Variants in TSPAN18 observed in about 807,000 individuals in gnomAD.
TSPAN18 encodes tetraspanin 18.
Under a neutral mutation model 27.3 loss-of-function variants are expected in TSPAN18, and 14 were observed. That is an observed-to-expected ratio of 0.51 (90% CI 0.34 to 0.80). The LOEUF (loss-of-function observed/expected upper bound fraction) is 0.80. TSPAN18 is among the 30% of genes least tolerant of loss of function. The pLI, the probability that TSPAN18 is intolerant of heterozygous loss-of-function variation, is 0.01. For synonymous variants in TSPAN18, 143 were observed against 136.5 expected, an observed-to-expected ratio of 1.05 and a Z score of -0.33; for missense variants, 268 against 323.9, an observed-to-expected ratio of 0.83 and a Z score of 1.32.
chr11:44,891,271 C>T (rs564873995), intron 3 of TSPAN18, among the ~76,000 whole-genome samples: 2 of 152,104 alleles, frequency 1.3e-5, no homozygotes, highest in South Asian at 2.1e-4. Context: ...ACGAGACTGC[C>T]GAAGGGTGGG....
intron 3 of TSPAN18, among the ~76,000 whole-genome samples, chr11:44,899,050 G>T (rs187484104): frequency 1.3e-5 from 2 of 152,294 alleles, no homozygotes; most frequent in African/African-American, 4.8e-5. Context: ...AGGATCCACA[G>T]AGCAGATCCT....
intron 4 of TSPAN18, among the ~76,000 whole-genome samples, chr11:44,907,840 A>G (rs960890691): frequency 2.0e-5 from 3 of 152,022 alleles, no homozygotes; most frequent in Non-Finnish European, 1.5e-5. Flanking sequence ...GGATCACCTG[A>G]GGTCAGGAGT....
At chr11:44,751,098 GATCACCCAAGGTGT>G (rs1334633085) in intron 1 of TSPAN18, among the ~76,000 whole-genome samples, 1 of 152,230 alleles carries the variant, frequency 6.6e-6, no homozygotes, top group African/African-American at 2.4e-5. Context: ...AGCAGGTAGA[GATCACCCAAGGTGT>G]GTCCGGCTGT....
At chr11:44,741,778 G>A (rs1035619785) in intron 1 of TSPAN18, among the ~76,000 whole-genome samples, 6 of 152,088 alleles carry the variant, frequency 3.9e-5, no homozygotes, top group Admixed American at 6.5e-5. Context: ...CCCTCTGAAC[G>A]TTAGTTTCCT....
At chr11:44,802,904 C>G (rs914477805) in intron 2 of TSPAN18, among the ~76,000 whole-genome samples, 1 of 152,160 alleles carries the variant, frequency 6.6e-6, no homozygotes, top group African/African-American at 2.4e-5. Flanking sequence ...TTGAGCTGCT[C>G]TGATAAACAG....
In TSPAN18 at chr11:44,804,941, T is replaced by C. The variant is rs188679141; in HGVS notation, c.-153+40429T>C. Among the ~76,000 whole-genome samples the C allele has an allele frequency of 6.1e-3, 932 of 152,250 alleles. 7 individuals are homozygous for C. Among genetic ancestry groups the C allele is most frequent in the African/African-American group, 0.022 (902 of 41,536 alleles). On this transcript the variant is annotated intron_variant, in intron 2 of 9. Coordinates refer to ENST00000520358, the MANE Select transcript of TSPAN18 (RefSeq NM_130783.5). ...GGGACAAGCAAGAAGCCCAGCCACC[T>C]GGGGAGGGCTTGGGGAGGATGCAGA...
intron 2 of TSPAN18, among the ~76,000 whole-genome samples, chr11:44,810,092 ACT>A (rs1856681178): frequency 6.6e-6 from 1 of 152,022 alleles, no homozygotes; most frequent in Admixed American, 6.6e-5. Context: ...CATTGGGAAA[ACT>A]CAGGCTTTTC....
rs543899671 is a variant in TSPAN18 at position 44,906,528 on chromosome 11, G to A, written c.63+49G>A. The stretch of plus-strand genomic sequence containing the variant: ...GGCCTCTGCTGGGTGGGCAGAACTG[G>A]CTGCTGCTTTGAAATAGTCACACTG... On this transcript the variant is annotated intron_variant, in intron 4 of 9. Transcript: ENST00000520358. 9.7e-6 allele frequency: 15 copies of A among 1,547,152 alleles called. No individual in the cohort carries two copies. In the African/African-American group the frequency reaches 1.9e-4, roughly 20 times the overall value.
intron 5 of TSPAN18, among the ~76,000 whole-genome samples, chr11:44,911,130 C>G (rs1859696311): frequency 6.6e-6 from 1 of 152,202 alleles, no homozygotes; most frequent in Non-Finnish European, 1.5e-5. Flanking sequence ...AGTCCCGCTA[C>G]AGGGTAAGTT....
chr11:44,791,418 T>C (rs1011247426), intron 2 of TSPAN18, among the ~76,000 whole-genome samples: 3 of 152,148 alleles, frequency 2.0e-5, no homozygotes, highest in Non-Finnish European at 2.9e-5. Context: ...ATACACCAGG[T>C]CCCCTGAAGA....
At chr11:44,782,273 G>A (rs1212114692) in intron 2 of TSPAN18, among the ~76,000 whole-genome samples, 2 of 152,168 alleles carry the variant, frequency 1.3e-5, no homozygotes, top group Non-Finnish European at 2.9e-5. Context: ...CCAGCTGGGT[G>A]CGGTGGCTCA....
intron 3 of TSPAN18, among the ~76,000 whole-genome samples, chr11:44,899,795 T>C (rs547419277): frequency 1.3e-5 from 2 of 152,232 alleles, no homozygotes; most frequent in African/African-American, 4.8e-5. Context: ...ATAGGCCGGG[T>C]CCCACCTGAC....
At chr11:44,897,936 G>C (rs560710458) in intron 3 of TSPAN18, 22 of 1,112,290 alleles carry the variant, frequency 2.0e-5, no homozygotes, top group Non-Finnish European at 2.4e-5. Flanking sequence ...TTGCCTCTGT[G>C]TCTCCTTCGG....
intron 2 of TSPAN18, among the ~76,000 whole-genome samples, chr11:44,840,518 A>T (rs1390394485): frequency 6.6e-6 from 1 of 152,224 alleles, no homozygotes; most frequent in Non-Finnish European, 1.5e-5. Flanking sequence ...GTGAAGTAGC[A>T]TCAGTGTCTG....
intron 3 of TSPAN18, among the ~76,000 whole-genome samples, chr11:44,873,073 A>T (rs1316397129): frequency 6.6e-6 from 1 of 152,158 alleles, no homozygotes; most frequent in African/African-American, 2.4e-5. Context: ...CAGGAAGAAG[A>T]TGGTCGAAAT....
At chr11:44,859,373 C>G (rs1857818209) in intron 2 of TSPAN18, among the ~76,000 whole-genome samples, 1 of 152,252 alleles carries the variant, frequency 6.6e-6, no homozygotes, top group Non-Finnish European at 1.5e-5. Flanking sequence ...AAATGCTCCT[C>G]TGTGGGCTTC....
intron 2 of TSPAN18, among the ~76,000 whole-genome samples, chr11:44,783,399 CT>C (rs575307346): frequency 2.5e-3 from 359 of 141,958 alleles, no homozygotes; most frequent in Middle Eastern, 3.6e-3. Context: ...TCTTTCTTTT[CT>C]TTTTTTTTTT....
intron 1 of TSPAN18, among the ~76,000 whole-genome samples, chr11:44,760,963 G>A (rs989356394): frequency 1.3e-5 from 2 of 152,180 alleles, no homozygotes; most frequent in African/African-American, 4.8e-5. Context: ...CCATGATATC[G>A]TGTGCCAGGC....
chr11:44,790,217 TTGTG>T (rs1301476422), intron 2 of TSPAN18, among the ~76,000 whole-genome samples: 1 of 122,750 alleles, frequency 8.1e-6, no homozygotes, highest in Non-Finnish European at 1.8e-5. Flanking sequence ...GTGTGCATGT[TTGTG>T]TATGTCCATG....
Sources: gnomAD v4.1 joint callset for allele counts (sites outside exome capture counted in the v4.1 genomes callset) on GRCh38, gnomAD v4.1.1 for gene constraint, MANE v1.5 for transcripts, NCBI Gene and HGNC (gene_info 2026-07-23, HGNC 2026-07-21) for gene names.